ZNF215: variants seen among roughly 807,000 people sequenced by gnomAD.
ZNF215 encodes BWSCR2-associated zinc finger protein 2.
ZNF215 carries 24 observed loss-of-function variants against 27.2 expected under a neutral mutation model. The observed-to-expected ratio is 0.88, with a 90% confidence interval of 0.64 to 1.24. The LOEUF (loss-of-function observed/expected upper bound fraction) is 1.24, where lower values mean the gene tolerates loss of function less well. Among genes scored for constraint, ZNF215 ranks in the 50% most tolerant of loss-of-function variants. ZNF215 has a pLI of 0.00. For missense variants in ZNF215, 675 were observed against 605.7 expected (o/e 1.11, Z -1.20); for synonymous variants, 210 against 204.0 (o/e 1.03, Z -0.25).
rs1481752592 is a variant in ZNF215, at chr11:6,955,803, A to G, written c.826A>G (p.Asn276Asp). 2 of 1,613,880 alleles carry G rather than the reference A, an allele frequency of 1.2e-6. No homozygotes were observed. The highest frequency in any genetic ancestry group is 3.3e-5 in the Admixed American group (2 of 59,976). ...GAAAGGTGAGAATTGGTTATATAGG[A>G]ACCAGAAAAAATGGGACATAAATTT... ...AWKGENWLYR[N>D]QKKWDINLPQ... is the part of the protein sequence containing the mutation. The change falls in exon 7 of 7, where the codon AAC (asparagine) becomes GAC (aspartate). Residue 276 changes from asparagine to aspartate, a missense_variant. Coordinates refer to ENST00000278319, the MANE Select transcript of ZNF215 (RefSeq NM_013250.4).
In ZNF215 at chr11:6,957,297, C is replaced by T. The variant is rs1164883768; in HGVS notation, c.*766C>T. The T allele has an allele frequency of 7.5e-6, 4 of 530,488 alleles. No homozygotes were observed. The highest frequency in any genetic ancestry group is 2.1e-5 in the African/African-American group (1 of 48,412). The allele number at this position is 530,488 out of a possible 1,614,324, so 32.9% of individuals were successfully genotyped here. A position where few individuals can be genotyped will look rare whatever the true frequency, so the allele number is the denominator to read the frequency against. On this transcript the variant is annotated 3_prime_UTR_variant, in exon 7 of 7. Transcript: ENST00000278319. ...TGGAGTTCGCACACTCTCCCTATGTCTCCGGGTGCTCCAGTTTCAAACCCC... is the reference window on the plus strand; with the variant it reads ...TGGAGTTCGCACACTCTCCCTATGTTTCCGGGTGCTCCAGTTTCAAACCCC...
At chr11:6,976,972 G>T (rs976039929) in intron 5 of ZNF215, among the ~76,000 whole-genome samples, 1 of 152,000 alleles carries the variant, frequency 6.6e-6, no homozygotes, top group African/African-American at 2.4e-5. Context: ...GGGAGAATCT[G>T]TTCTTCACCT....
chr11:6,986,555 G>C (rs1365129340), downstream of ZNF215, among the ~76,000 whole-genome samples: 1 of 152,020 alleles, frequency 6.6e-6, no homozygotes, highest in Admixed American at 6.6e-5. Flanking sequence ...CAGCAAAAGA[G>C]ATCATCAAAG....
chr11:6,951,953 C>T (rs1057041627), intron 6 of ZNF215, among the ~76,000 whole-genome samples: 2 of 152,122 alleles, frequency 1.3e-5, no homozygotes, highest in African/African-American at 4.8e-5. Context: ...TCACTGGTTT[C>T]AAAGAACATC....
At chr11:6,947,362 G>C (rs1849854251) in intron 6 of ZNF215, among the ~76,000 whole-genome samples, 1 of 152,084 alleles carries the variant, frequency 6.6e-6, no homozygotes, top group African/African-American at 2.4e-5. Context: ...AGGAATTCAA[G>C]ACCAGACTGG....
chr11:6,975,283 A>T (rs1850807600), intron 5 of ZNF215, among the ~76,000 whole-genome samples: 1 of 151,898 alleles, frequency 6.6e-6, no homozygotes, highest in South Asian at 2.1e-4. Context: ...AGGTGTATAT[A>T]TTTATGGGGT....
At chr11:6,931,966 A>G (rs1055554326) in intron 2 of ZNF215, 128 bp from the exon 3 acceptor site, 12 of 229,102 alleles carry the variant, frequency 5.2e-5, no homozygotes, top group Non-Finnish European at 1.0e-4. Context: ...TCTAGTTCTA[A>G]GAAAGGAAAA....
chr11:6,942,084 G>A (rs1053732328), intron 4 of ZNF215, among the ~76,000 whole-genome samples: 1 of 152,186 alleles, frequency 6.6e-6, no homozygotes, highest in Non-Finnish European at 1.5e-5. Flanking sequence ...ATGCTTTAAA[G>A]GGTCAAAATA....
chr11:6,965,008 A>G (rs1414463946), intron 5 of ZNF215, among the ~76,000 whole-genome samples: 2 of 152,120 alleles, frequency 1.3e-5, no homozygotes, highest in African/African-American at 2.4e-5. Flanking sequence ...AATACTACCA[A>G]CAAGCTGTAC....
chr11:6,975,644 T>G (rs1850818439), intron 5 of ZNF215, among the ~76,000 whole-genome samples: 1 of 152,074 alleles, frequency 6.6e-6, no homozygotes. Flanking sequence ...GTCTTAGATC[T>G]CCGGTTCTAT....
At chr11:6,954,705 G>A (rs981402180) in intron 6 of ZNF215, among the ~76,000 whole-genome samples, 20 of 152,170 alleles carry the variant, frequency 1.3e-4, no homozygotes, top group Admixed American at 3.9e-4. Context: ...GCAATGCCTC[G>A]CCCTGCTTCG....
intron 5 of ZNF215, among the ~76,000 whole-genome samples, chr11:6,966,951 C>T (rs1209448534): frequency 6.6e-6 from 1 of 151,902 alleles, no homozygotes; most frequent in Non-Finnish European, 1.5e-5. Flanking sequence ...CTAATGCTAT[C>T]CCTCCCTGAT....
At chr11:6,982,769 G>T (rs1053893190) in intron 5 of ZNF215, among the ~76,000 whole-genome samples, 2 of 151,724 alleles carry the variant, frequency 1.3e-5, no homozygotes, top group Non-Finnish European at 2.9e-5. Context: ...TGTGTAGAGG[G>T]AAACTTATAG....
At chr11:6,951,455 GTC>G (rs1227042126) in intron 6 of ZNF215, among the ~76,000 whole-genome samples, 1 of 152,140 alleles carries the variant, frequency 6.6e-6, no homozygotes, top group Non-Finnish European at 1.5e-5. Flanking sequence ...TCCTTGTTTA[GTC>G]TTGGGAGGGT....
intron 3 of ZNF215, among the ~76,000 whole-genome samples, chr11:6,939,268 G>A (rs796115735): frequency 8.5e-5 from 13 of 152,248 alleles, no homozygotes; most frequent in African/African-American, 3.1e-4. Context: ...AGACTGTCAG[G>A]ATTTGGGGTG....
At chr11:6,968,967 A>G (rs1850674290) in intron 5 of ZNF215, among the ~76,000 whole-genome samples, 1 of 152,186 alleles carries the variant, frequency 6.6e-6, no homozygotes, top group Non-Finnish European at 1.5e-5. Context: ...CTGGTTTTCC[A>G]AATGCCTCTC....
chr11:6,964,860 A>G (rs1444836075), intron 5 of ZNF215, among the ~76,000 whole-genome samples: 1 of 152,044 alleles, frequency 6.6e-6, no homozygotes. Context: ...TACATAAATT[A>G]GTGTGTGTAT....
chr11:6,983,363 A>G (rs1851000459), intron 5 of ZNF215, among the ~76,000 whole-genome samples: 1 of 152,262 alleles, frequency 6.6e-6, no homozygotes, highest in African/African-American at 2.4e-5. Flanking sequence ...TTCTGAAACT[A>G]TTCCAATCAA....
intron 6 of ZNF215, among the ~76,000 whole-genome samples, chr11:6,951,490 A>G (rs1850057613): frequency 6.6e-6 from 1 of 152,190 alleles, no homozygotes; most frequent in East Asian, 1.9e-4. Flanking sequence ...GAATTTATCC[A>G]TTTCTTCTAG....
Sources: gnomAD v4.1 joint callset for allele counts (sites outside exome capture counted in the v4.1 genomes callset) on GRCh38, gnomAD v4.1.1 for gene constraint, MANE v1.5 for transcripts, NCBI Gene and HGNC (gene_info 2026-07-23, HGNC 2026-07-21) for gene names.